The following DLGAP1 variants were observed in gnomAD, a reference collection of about 807,000 sequenced individuals.
DLGAP1 encodes the protein disks large-associated protein 1.
A neutral mutation model predicts 90.8 loss-of-function variants in DLGAP1; 11 were observed. The observed-to-expected ratio is 0.12, with a 90% confidence interval of 0.08 to 0.20. DLGAP1 has a LOEUF of 0.20. Ranked by LOEUF, DLGAP1 falls within the 10% of genes least tolerant of loss-of-function variation. The pLI, the probability that DLGAP1 is intolerant of heterozygous loss-of-function variation, is 1.00. For missense variants in DLGAP1, 1,050 were observed against 1,333.8 expected (o/e 0.79, Z 3.31); for synonymous variants, 558 against 540.7 (o/e 1.03, Z -0.44).
At position 4,411,468 on chromosome 18, in the gene DLGAP1, T is replaced by C. The variant is rs570520579; in HGVS notation, c.-267+43538A>G. On this transcript the variant is annotated intron_variant, in intron 1 of 12. Coordinates refer to ENST00000315677, the MANE Select transcript of DLGAP1 (RefSeq NM_004746.4). ...GGGTATAGCGGGCAGAGAAAGTCAA[T>C]GAAAAACTGAAAGCAGCAATTTAGA... Among the ~76,000 whole-genome samples the C allele has an allele frequency of 3.3e-5, 5 of 152,278 alleles. No individual in the cohort carries two copies. In the East Asian group the frequency reaches 7.7e-4, roughly 24 times the overall value.
intron 6 of DLGAP1, among the ~76,000 whole-genome samples, chr18:3,741,173 TCACCACCAC>T (rs576587206): frequency 4.3e-5 from 1 of 23,502 alleles, no homozygotes; most frequent in Non-Finnish European, 7.8e-5. Flanking sequence ...CACCACCACA[TCACCACCAC>T]CACCACCACC....
At chr18:3,848,127 C>CAAAAAAAAAAAAAAAAAAAAAA (rs3862177) in intron 4 of DLGAP1, among the ~76,000 whole-genome samples, 2 of 32,078 alleles carry the variant, frequency 6.2e-5, no homozygotes, top group African/African-American at 3.4e-4. Context: ...GGCCCCGTCT[C>CAAAAAAAAAAAAAAAAAAAAAA]AAAAAAAAAA....
intron 7 of DLGAP1, among the ~76,000 whole-genome samples, chr18:3,584,183 C>T (rs753227852): frequency 2.0e-5 from 3 of 152,120 alleles, no homozygotes; most frequent in Non-Finnish European, 4.4e-5. Flanking sequence ...AGTGGGACTC[C>T]GGTCAGTGAA....
intron 2 of DLGAP1, among the ~76,000 whole-genome samples, chr18:4,053,468 T>C (rs1171225089): frequency 6.6e-6 from 1 of 152,206 alleles, no homozygotes; most frequent in Non-Finnish European, 1.5e-5. Flanking sequence ...GTGAAGATTA[T>C]GGGAACTGCA....
intron 5 of DLGAP1, among the ~76,000 whole-genome samples, chr18:3,765,437 T>G (rs2064196245): frequency 6.6e-6 from 1 of 151,444 alleles, no homozygotes; most frequent in African/African-American, 2.4e-5. Flanking sequence ...GCTCCACACT[T>G]GCACACTTTT....
intron 1 of DLGAP1, among the ~76,000 whole-genome samples, chr18:4,325,156 T>C (rs77320935): frequency 1.3e-5 from 2 of 152,098 alleles, no homozygotes; most frequent in East Asian, 3.9e-4. Context: ...TATACAACTT[T>C]AGCAAAGTTT....
At chr18:3,929,362 G>A (rs1490829743) in intron 3 of DLGAP1, among the ~76,000 whole-genome samples, 2 of 152,188 alleles carry the variant, frequency 1.3e-5, no homozygotes, top group African/African-American at 4.8e-5. Flanking sequence ...AATTGACAAA[G>A]CAGATTCCAC....
At chr18:4,223,620 C>A (rs1421431114) in intron 1 of DLGAP1, among the ~76,000 whole-genome samples, 1 of 152,102 alleles carries the variant, frequency 6.6e-6, no homozygotes, top group Non-Finnish European at 1.5e-5. Context: ...GATTATGTAA[C>A]AACAATAGAT....
rs2061583450 is a variant in DLGAP1, at chr18:3,711,057, AAACACGAC to A, written c.1591+18070_1591+18077del. On this transcript the variant is annotated intron_variant, in intron 7 of 12. Coordinates refer to ENST00000315677, the MANE Select transcript of DLGAP1 (RefSeq NM_004746.4). This position sits in a 1 kb window ranked among gnomAD's most constrained non-coding sequence, Gnocchi z 4.0. ...GTGCGTCTGCAACAGAAGAGTCCAG[AAACACGAC>A]AGAGGAAGTCAGAGAGCCAGGAGGG... 1.3e-5 allele frequency among the ~76,000 whole-genome samples: 2 copies of A among 152,218 alleles called. No homozygotes were observed. Among genetic ancestry groups the A allele is most frequent in the South Asian group, 4.1e-4 (2 of 4,830 alleles).
At chr18:4,359,828 G>A (rs1033935094) in intron 1 of DLGAP1, among the ~76,000 whole-genome samples, 2 of 152,188 alleles carry the variant, frequency 1.3e-5, no homozygotes, top group African/African-American at 4.8e-5. Context: ...ATAAAGTAGG[G>A]AAGAAAATAG....
intron 1 of DLGAP1, among the ~76,000 whole-genome samples, chr18:4,219,193 C>A (rs911656709): frequency 1.3e-5 from 2 of 151,724 alleles, no homozygotes; most frequent in African/African-American, 4.8e-5. Flanking sequence ...GATGATATCT[C>A]ATTGGGGTTT....
intron 7 of DLGAP1, among the ~76,000 whole-genome samples, chr18:3,643,383 G>T (rs947908274): frequency 3.3e-5 from 5 of 151,998 alleles, no homozygotes; most frequent in Non-Finnish European, 7.4e-5. Flanking sequence ...GCTGAAGGAG[G>T]CCAGGTGCAG....
intron 1 of DLGAP1, among the ~76,000 whole-genome samples, chr18:4,295,569 C>A (rs1381199105): frequency 1.3e-5 from 2 of 152,150 alleles, no homozygotes; most frequent in Admixed American, 6.5e-5. Flanking sequence ...AGCAGTAAAA[C>A]AAACACATAC....
intron 7 of DLGAP1, among the ~76,000 whole-genome samples, chr18:3,615,330 TG>T (rs1332502388): frequency 1.2e-4 from 18 of 152,318 alleles, no homozygotes; most frequent in African/African-American, 4.3e-4. Context: ...ACCACATAGT[TG>T]GTGCTGATTG....
chr18:3,749,441 C>A (rs544574421), intron 5 of DLGAP1, among the ~76,000 whole-genome samples: 1 of 152,284 alleles, frequency 6.6e-6, no homozygotes, highest in East Asian at 1.9e-4. Flanking sequence ...GGGTGAGCCA[C>A]TGCGCCCGGC....
intron 8 of DLGAP1, chr18:3,580,192 G>T: frequency 6.7e-7 from 1 of 1,492,844 alleles, no homozygotes; most frequent in East Asian, 2.3e-5. Context: ...TGAGCCAGAC[G>T]TCCAAAGTCA....
chr18:4,391,762 T>C (rs961602967), intron 1 of DLGAP1, among the ~76,000 whole-genome samples: 4 of 152,162 alleles, frequency 2.6e-5, no homozygotes, highest in African/African-American at 9.7e-5. Flanking sequence ...CAGAAACGCA[T>C]GTTCTTGGGC....
chr18:4,025,323 A>C (rs1599344542), intron 2 of DLGAP1, among the ~76,000 whole-genome samples: 1 of 150,196 alleles, frequency 6.7e-6, no homozygotes. Context: ...TCCAATGAGC[A>C]TTTTTTTTTT....
intron 1 of DLGAP1, among the ~76,000 whole-genome samples, chr18:4,423,115 T>C (rs1471754158): frequency 6.6e-6 from 1 of 152,128 alleles, no homozygotes; most frequent in East Asian, 1.9e-4. Flanking sequence ...CCTAAAAAAA[T>C]TCCCATGAAA....
Sources: allele counts gnomAD v4.1 joint callset (sites outside exome capture counted in the v4.1 genomes callset), GRCh38; gene constraint gnomAD v4.1.1; non-coding constraint Gnocchi (gnomAD v3.1); transcripts MANE v1.5; gene names NCBI Gene and HGNC (gene_info 2026-07-23, HGNC 2026-07-21).